The following RTL4 variants were observed in gnomAD, a reference collection of about 807,000 sequenced individuals.
RTL4 encodes retrotransposon Gag like 4, also known as retrotransposon Gag-like protein 4.
Under a neutral mutation model 5.3 loss-of-function variants are expected in RTL4, and 4 were observed. The ratio of observed to expected loss-of-function variants is 0.75; its 90% confidence interval spans 0.37 to 1.72. RTL4 has a LOEUF of 1.72. RTL4 is among the 40% of genes most tolerant of loss of function. The pLI is 0.04. For missense variants in RTL4, 260 were observed against 227.1 expected (o/e 1.14, Z -0.93); for synonymous variants, 98 against 87.3 (o/e 1.12, Z -0.68).
the RTL4 span, among the ~76,000 whole-genome samples, chrX:112,286,146 A>T: frequency 8.9e-6 from 1 of 112,233 alleles, no homozygotes; most frequent in African/African-American, 3.2e-5. Context: ...AACACTAATT[A>T]AGAAAAAAAC....
chrX:112,313,772 G>A, the RTL4 span, among the ~76,000 whole-genome samples: 1 of 110,177 alleles, frequency 9.1e-6, no homozygotes, highest in South Asian at 3.9e-4. Context: ...ACAGAGGAAG[G>A]AGAGGAGTGA....
the RTL4 span, among the ~76,000 whole-genome samples, chrX:112,294,547 C>T: frequency 2.7e-5 from 3 of 111,157 alleles, no homozygotes; most frequent in African/African-American, 6.6e-5. Context: ...TGCAGTGAGC[C>T]GAGATCATGC....
At chrX:112,178,610 A>G in the RTL4 span, among the ~76,000 whole-genome samples, 13 of 111,845 alleles carry the variant, frequency 1.2e-4, no homozygotes, top group African/African-American at 3.9e-4. Flanking sequence ...CTGTTTGCTT[A>G]ACTGATTTCC....
the RTL4 span, among the ~76,000 whole-genome samples, chrX:112,335,267 T>C: frequency 8.9e-6 from 1 of 111,855 alleles, no homozygotes; most frequent in Non-Finnish European, 1.9e-5. Flanking sequence ...ATTTATTTTT[T>C]GGAGATTATG....
At chrX:112,313,401 T>C in the RTL4 span, among the ~76,000 whole-genome samples, 2 of 111,230 alleles carry the variant, frequency 1.8e-5, no homozygotes, top group Non-Finnish European at 3.8e-5. Context: ...TGGTACTTCA[T>C]GCCCCACGCA....
At chrX:112,326,476 A>G in the RTL4 span, among the ~76,000 whole-genome samples, 1 of 111,727 alleles carries the variant, frequency 9.0e-6, no homozygotes, top group Non-Finnish European at 1.9e-5. Context: ...CCAGGAGATT[A>G]TATCCCGCAC....
chrX:112,374,276 C>T, the RTL4 span, among the ~76,000 whole-genome samples: 1 of 111,017 alleles, frequency 9.0e-6, no homozygotes, highest in Non-Finnish European at 1.9e-5. Flanking sequence ...AAAATAACTA[C>T]CCTTGACTCA....
chrX:112,363,213 T>C, the RTL4 span, among the ~76,000 whole-genome samples: 1 of 111,263 alleles, frequency 9.0e-6, no homozygotes, highest in Non-Finnish European at 1.9e-5. Context: ...GCCCAGTTCA[T>C]GCCAGACAGC....
chrX:112,390,106 AATATAT>A, the RTL4 span, among the ~76,000 whole-genome samples: 379 of 17,193 alleles, frequency 0.022, 5 homozygotes, highest in Middle Eastern at 0.065. Flanking sequence ...ATTTATATAT[AATATAT>A]ATATATATAT....
chrX:112,106,773 G>C, the RTL4 span, among the ~76,000 whole-genome samples: 2 of 111,589 alleles, frequency 1.8e-5, no homozygotes, highest in Non-Finnish European at 3.8e-5. Context: ...GTGATCTTGA[G>C]CACTTTAAAA....
chrX:112,285,991 T>A, the RTL4 span, among the ~76,000 whole-genome samples: 1 of 111,758 alleles, frequency 8.9e-6, no homozygotes, highest in African/African-American at 3.2e-5. Context: ...TAATAATTTT[T>A]AAAAAGCAAA....
the RTL4 span, among the ~76,000 whole-genome samples, chrX:112,353,564 T>C: frequency 1.4e-4 from 15 of 110,745 alleles, no homozygotes; most frequent in Non-Finnish European, 2.6e-4. Flanking sequence ...ACCATCATTC[T>C]CAGCAAACTA....
chrX:112,227,658 A>AT, the RTL4 span, among the ~76,000 whole-genome samples: 1 of 111,785 alleles, frequency 8.9e-6, no homozygotes, highest in South Asian at 3.7e-4. Context: ...AGATGGAGCC[A>AT]TTTTCAACTG....
chrX:112,425,583 G>C, the RTL4 span, among the ~76,000 whole-genome samples: 1 of 111,342 alleles, frequency 9.0e-6, no homozygotes, highest in Non-Finnish European at 1.9e-5. Flanking sequence ...ATCCTGTCCA[G>C]CATTTGGTGT....
At chrX:112,305,272 T>A in the RTL4 span, among the ~76,000 whole-genome samples, 3 of 109,449 alleles carry the variant, frequency 2.7e-5, no homozygotes, top group Non-Finnish European at 3.8e-5. Context: ...TTCTCCTGCC[T>A]CAGCCTCCTG....
the RTL4 span, among the ~76,000 whole-genome samples, chrX:112,376,732 G>A: frequency 8.9e-6 from 1 of 111,761 alleles, no homozygotes; most frequent in East Asian, 2.8e-4. Flanking sequence ...AACTAAAAAG[G>A]CCTCAGCTAC....
chrX:112,361,334 C>T, the RTL4 span, among the ~76,000 whole-genome samples: 7 of 111,376 alleles, frequency 6.3e-5, no homozygotes, highest in Non-Finnish European at 1.1e-4. Context: ...ACTCCTATTC[C>T]TGTTCCTAGG....
the RTL4 span, among the ~76,000 whole-genome samples, chrX:112,414,654 A>G: frequency 9.0e-6 from 1 of 111,686 alleles, no homozygotes; most frequent in Non-Finnish European, 1.9e-5. Context: ...GTGTGGCCCA[A>G]TCCTAATTCT....
At chrX:112,083,324 T>C in the RTL4 span, among the ~76,000 whole-genome samples, 2 of 112,491 alleles carry the variant, frequency 1.8e-5, no homozygotes, top group South Asian at 3.7e-4. Context: ...CCCACCCCCG[T>C]CAGCCTGGGC....
Sources: allele counts gnomAD v4.1 joint callset (sites outside exome capture counted in the v4.1 genomes callset), GRCh38; gene constraint gnomAD v4.1.1; transcripts MANE v1.5; gene names NCBI Gene and HGNC (gene_info 2026-07-23, HGNC 2026-07-21).